The following G2E3 variants were observed in gnomAD, a reference collection of about 807,000 sequenced individuals.
G2E3 encodes G2/M-phase specific E3 ubiquitin protein ligase.
In G2E3, 35 loss-of-function variants were observed where a neutral mutation model predicts 92.8. The ratio of observed to expected loss-of-function variants is 0.38; its 90% CI spans 0.29 to 0.50. The LOEUF is 0.50. Among genes scored for constraint, G2E3 ranks in the 20% least tolerant of loss-of-function variants. The pLI is 0.94. For missense variants in G2E3, 554 were observed against 823.8 expected (o/e 0.67, Z 4.01); for synonymous variants, 242 against 272.4 (o/e 0.89, Z 1.10).
Position 30,617,668 on chromosome 14 carries a change from C to G in G2E3, c.*1134C>G, listed in dbSNP as rs1772710944. ...AAAAACCCATTCTAATGTCACCACT[C>G]AGAGATAAGTACCGTATTTCTGTGT... On this transcript the variant is annotated 3_prime_UTR_variant, in exon 15 of 15. Transcript: ENST00000206595. 1 of 152,050 alleles carries G rather than the reference C, an allele frequency of 6.6e-6. No homozygotes were observed. 9.4% of individuals were successfully genotyped at this position (152,050 alleles called of 1,614,324 possible).
intron 6 of G2E3, among the ~76,000 whole-genome samples, chr14:30,593,978 C>T (rs1338059703): frequency 6.6e-6 from 1 of 151,948 alleles, no homozygotes; most frequent in Non-Finnish European, 1.5e-5. Flanking sequence ...GCTGGAAAAC[C>T]AGGATATTTG....
chr14:30,579,732 C>T (rs1880321346), intron 1 of G2E3, among the ~76,000 whole-genome samples: 2 of 152,170 alleles, frequency 1.3e-5, no homozygotes, highest in Admixed American at 6.5e-5. Context: ...TTAGTGTATT[C>T]CCACTAACTA....
intron 13 of G2E3, among the ~76,000 whole-genome samples, chr14:30,613,775 A>G (rs1359754355): frequency 2.0e-5 from 3 of 151,694 alleles, no homozygotes; most frequent in East Asian, 1.9e-4. Flanking sequence ...CAGATTCTCT[A>G]TTGCATGATT....
chr14:30,596,312 GA>G (rs1268777262), intron 6 of G2E3, among the ~76,000 whole-genome samples: 2 of 151,978 alleles, frequency 1.3e-5, no homozygotes, highest in Non-Finnish European at 2.9e-5. Flanking sequence ...TTTAATTTCA[GA>G]CACTCTTTTT....
chr14:30,605,608 T>C lies in G2E3; in HGVS notation c.1114T>C (p.Trp372Arg). Residue 372 changes from tryptophan to arginine, a missense_variant, in exon 11 of 15, where the codon TGG (tryptophan) becomes CGG (arginine). Coordinates refer to ENST00000206595, the MANE Select transcript of G2E3 (RefSeq NM_017769.5). ...KRLYINKANIWNSALDAFRNR... is the reference protein window; with the variant it reads ...KRLYINKANIRNSALDAFRNR... The stretch of plus-strand genomic sequence containing the variant: ...ATTGTATATCAACAAAGCCAATATC[T>C]GGAATAGTGCCTTAGATGCATTCAG... 6.3e-7 allele frequency: 1 copy of C among 1,578,346 alleles called. No individual in the cohort carries two copies. Among genetic ancestry groups the C allele is most frequent in the Non-Finnish European group, 8.7e-7 (1 of 1,150,106 alleles).
chr14:30,597,849 A>T (rs1881365421), intron 7 of G2E3, among the ~76,000 whole-genome samples: 2 of 152,192 alleles, frequency 1.3e-5, no homozygotes, highest in South Asian at 2.1e-4. Flanking sequence ...ATATGTAAGA[A>T]TTTTTTTAAT....
chr14:30,598,628 T>C, intron 8 of G2E3, 29 bp downstream of exon 8: 1 of 1,343,956 alleles, frequency 7.4e-7, no homozygotes, highest in South Asian at 1.2e-5. Context: ...TTGTGCTTAG[T>C]GGTTCCTTGT....
intron 11 of G2E3, among the ~76,000 whole-genome samples, chr14:30,606,483 T>C (rs895921600): frequency 3.9e-5 from 6 of 152,126 alleles, no homozygotes; most frequent in African/African-American, 1.4e-4. Flanking sequence ...TCATTTTTAC[T>C]CTGTATAGTT....
At chr14:30,611,591 T>TA (rs1290317307) in intron 12 of G2E3, 1 of 152,192 alleles carries the variant, frequency 6.6e-6, no homozygotes, top group Non-Finnish European at 1.5e-5. Context: ...TCTCAGCTGT[T>TA]ACTCTTTTTC....
chr14:30,571,576 C>G (rs564806178), intron 1 of G2E3, among the ~76,000 whole-genome samples: 1 of 151,782 alleles, frequency 6.6e-6, no homozygotes, highest in East Asian at 1.9e-4. Context: ...TTCTTGTGAT[C>G]CAATTTGAAT....
intron 1 of G2E3, among the ~76,000 whole-genome samples, chr14:30,565,386 A>G (rs1028048579): frequency 1.3e-5 from 2 of 152,130 alleles, no homozygotes; most frequent in African/African-American, 2.4e-5. Context: ...TTCAGGTTAT[A>G]TGATTTCTGA....
chr14:30,575,511 C>T lies in G2E3; in HGVS notation c.-4-5565C>T, dbSNP rs981781050. Among the ~76,000 whole-genome samples, 6 of 152,066 alleles carry T rather than the reference C, an allele frequency of 3.9e-5. No individual in the cohort carries two copies. In the East Asian group the frequency reaches 7.7e-4, roughly 20 times the overall value. On this transcript the variant is annotated intron_variant, in intron 1 of 14. Coordinates refer to ENST00000206595, the MANE Select transcript of G2E3 (RefSeq NM_017769.5). Reference sequence around the variant, plus strand: ...ACCACTTCAACATAGTTTTGGGAGTCCTAGCCAGAGCAGTCAGGCAAGAGA... The same window carrying T: ...ACCACTTCAACATAGTTTTGGGAGTTCTAGCCAGAGCAGTCAGGCAAGAGA...
intron 4 of G2E3, among the ~76,000 whole-genome samples, chr14:30,590,354 G>T (rs936235837): frequency 2.0e-5 from 3 of 152,166 alleles, no homozygotes; most frequent in Non-Finnish European, 4.4e-5. Context: ...AAGTCTTGAG[G>T]TGGAGGAGTG....
intron 1 of G2E3, among the ~76,000 whole-genome samples, chr14:30,569,131 T>TA (rs1446819330): frequency 3.3e-5 from 5 of 152,194 alleles, no homozygotes; most frequent in Non-Finnish European, 1.5e-5. Context: ...ATGTTCATTG[T>TA]AAAAAGTCAA....
chr14:30,595,619 C>T (rs904591395), intron 6 of G2E3, among the ~76,000 whole-genome samples: 3 of 152,158 alleles, frequency 2.0e-5, no homozygotes, highest in Non-Finnish European at 4.4e-5. Flanking sequence ...TAAGAAATAT[C>T]ACTAAGCAAT....
intron 1 of G2E3, among the ~76,000 whole-genome samples, chr14:30,577,238 A>AG (rs200593420): frequency 4.6e-5 from 7 of 150,866 alleles, no homozygotes; most frequent in Admixed American, 2.0e-4. Context: ...AAAAAAAAAA[A>AG]AAAAAGAAAA....
At chr14:30,602,878 T>A (rs1594503510) in intron 10 of G2E3, 1 of 152,234 alleles carries the variant, frequency 6.6e-6, no homozygotes, top group East Asian at 1.9e-4. Context: ...TCCCAAAATG[T>A]TGGGATTACA....
At position 30,618,804 on chromosome 14, in the gene G2E3, G is replaced by T. The variant is rs1209259261; in HGVS notation, c.*2270G>T. The T allele has an allele frequency of 6.6e-6, 1 of 152,038 alleles. No individual in the cohort carries two copies. Among genetic ancestry groups the T allele is most frequent in the Non-Finnish European group, 1.5e-5 (1 of 67,924 alleles). The allele number at this position is 152,038 out of a possible 1,614,324, so 9.4% of individuals were successfully genotyped here. A position where few individuals can be genotyped will look rare whatever the true frequency, so the allele number is the denominator to read the frequency against. ...TTCTGCAGTGTCATTTTGTCAAATG[G>T]TTGGTATTATAATTGTTCTTTTCTT... On this transcript the variant is annotated 3_prime_UTR_variant, in exon 15 of 15. Transcript: ENST00000206595.
intron 12 of G2E3, among the ~76,000 whole-genome samples, chr14:30,610,373 T>A (rs1253125627): frequency 1.3e-5 from 2 of 152,150 alleles, no homozygotes; most frequent in African/African-American, 4.8e-5. Flanking sequence ...CCCAACACTT[T>A]GGGAGAACAG....
Sources: allele counts gnomAD v4.1 joint callset (sites outside exome capture counted in the v4.1 genomes callset), GRCh38; gene constraint gnomAD v4.1.1; transcripts MANE v1.5; gene names NCBI Gene and HGNC (gene_info 2026-07-23, HGNC 2026-07-21).